The following RAB10 variants were observed in gnomAD, a reference collection of about 807,000 sequenced individuals.
RAB10 encodes the protein ras-related protein Rab-10.
Under a neutral mutation model 25.7 loss-of-function variants are expected in RAB10, and 5 were observed. The ratio of observed to expected loss-of-function variants is 0.19; its 90% confidence interval spans 0.10 to 0.41. The LOEUF (loss-of-function observed/expected upper bound fraction) is 0.41, where lower values mean the gene tolerates loss of function less well. RAB10 is among the 10% of genes least tolerant of loss of function. The pLI is 1.00. For missense variants in RAB10, 103 were observed against 245.8 expected (o/e 0.42, Z 3.89); for synonymous variants, 89 against 86.4 (o/e 1.03, Z -0.16).
rs528899066 is a variant in RAB10, at chr2:26,050,906, C to T, written c.127+16171C>T. Among the ~76,000 whole-genome samples, 3 of 151,856 alleles carry T rather than the reference C, an allele frequency of 2.0e-5. No individual in the cohort carries two copies. In the South Asian group the frequency reaches 6.3e-4, roughly 32 times the overall value. On this transcript the variant is annotated intron_variant, in intron 1 of 5. Coordinates refer to ENST00000264710, the MANE Select transcript of RAB10 (RefSeq NM_016131.5). Reference sequence around the variant, plus strand: ...ACAGGTGTGAGTCCTTGTGCCTGTCCTTAAATTTTTTTGTTTGACTTTTCT... The same window carrying T: ...ACAGGTGTGAGTCCTTGTGCCTGTCTTTAAATTTTTTTGTTTGACTTTTCT...
intron 1 of RAB10, among the ~76,000 whole-genome samples, chr2:26,079,890 G>A (rs538824095): frequency 2.6e-5 from 4 of 152,240 alleles, no homozygotes; most frequent in African/African-American, 7.2e-5. Context: ...GAACTCCTGG[G>A]CTCAAGCCAT....
intron 1 of RAB10, among the ~76,000 whole-genome samples, chr2:26,068,648 A>G (rs541112532): frequency 3.0e-4 from 45 of 152,256 alleles, no homozygotes; most frequent in African/African-American, 9.4e-4. Flanking sequence ...TGTGAGCTTG[A>G]GCAAGTCATT....
In RAB10 at chr2:26,127,149, C is replaced by T; in HGVS notation, c.333C>T (p.Ala111=). 2 of 1,593,738 alleles carry T rather than the reference C, an allele frequency of 1.3e-6. No individual in the cohort carries two copies. Among genetic ancestry groups the T allele is most frequent in the Non-Finnish European group, 1.7e-6 (2 of 1,173,108 alleles). The change falls in exon 4 of 6, where the codon GCC becomes GCT. Residue 111 remains alanine, a synonymous_variant. Transcript: ENST00000264710. The part of the protein sequence containing the change: ...SKWLRNIDEH[A]NEDVERMLLG... ...AAAATTTTATTTCATTTTAGCATGC[C>T]AATGAAGATGTGGAAAGAATGTTAC...
intron 1 of RAB10, among the ~76,000 whole-genome samples, chr2:26,060,417 C>T (rs1037223061): frequency 3.3e-5 from 5 of 152,076 alleles, no homozygotes; most frequent in African/African-American, 7.2e-5. Flanking sequence ...CTCAGCCTCC[C>T]GAGTAGCTGG....
chr2:26,034,359 G>T lies in RAB10; in HGVS notation c.-250G>T, dbSNP rs902349905. On this transcript the variant is annotated 5_prime_UTR_variant, in exon 1 of 6. Transcript: ENST00000264710. The stretch of plus-strand genomic sequence containing the variant: ...GAGGGGAGGCCATTTTGTCCCGACC[G>T]ACTCCCCGGAACCGGGCGGACGGGC... 1.7e-6 allele frequency: 1 copy of T among 583,068 alleles called. No individual in the cohort carries two copies. The highest frequency in any genetic ancestry group is 3.1e-6 in the Non-Finnish European group (1 of 327,838). 36.1% of individuals were successfully genotyped at this position (583,068 alleles called of 1,614,324 possible). A position where few individuals can be genotyped will look rare whatever the true frequency, so the allele number is the denominator to read the frequency against.
chr2:26,038,965 T>A (rs1665826815), intron 1 of RAB10, among the ~76,000 whole-genome samples: 1 of 148,844 alleles, frequency 6.7e-6, no homozygotes, highest in Non-Finnish European at 1.5e-5. Flanking sequence ...GTTTAACCAG[T>A]GCCGTTCAAA....
At chr2:26,126,667 C>T (rs548699152) in intron 3 of RAB10, among the ~76,000 whole-genome samples, 2 of 152,248 alleles carry the variant, frequency 1.3e-5, no homozygotes, top group South Asian at 2.1e-4. Context: ...CAAAAATTGT[C>T]ATTGGGATCT....
At chr2:26,098,575 A>G (rs1425410337) in intron 1 of RAB10, 87 bp from the exon 2 acceptor site, 1 of 938,874 alleles carries the variant, frequency 1.1e-6, no homozygotes, top group Non-Finnish European at 1.6e-6. Context: ...ACAAGTTTAA[A>G]AGGTGTGAGC....
At chr2:26,112,358 A>G (rs1309040441) in intron 3 of RAB10, among the ~76,000 whole-genome samples, 1 of 152,116 alleles carries the variant, frequency 6.6e-6, no homozygotes. Context: ...ACCAGCCCCC[A>G]TTCTGAAGCT....
upstream of RAB10, among the ~76,000 whole-genome samples, chr2:26,033,804 A>AGG (rs572277931): frequency 1.8e-4 from 20 of 111,378 alleles, no homozygotes; most frequent in African/African-American, 2.9e-4. Flanking sequence ...CGGGGGTCGG[A>AGG]GGGGGGGCGC....
chr2:26,068,534 G>A (rs999989006), intron 1 of RAB10, among the ~76,000 whole-genome samples: 3 of 152,242 alleles, frequency 2.0e-5, no homozygotes, highest in Admixed American at 6.5e-5. Flanking sequence ...CAGTGACTGT[G>A]ACAGTGAGCC....
intron 1 of RAB10, among the ~76,000 whole-genome samples, chr2:26,069,008 T>G (rs563149674): frequency 5.3e-5 from 8 of 152,222 alleles, no homozygotes; most frequent in Non-Finnish European, 1.0e-4. Flanking sequence ...AATTTCTAGT[T>G]TGTCTTAAGC....
At chr2:26,086,298 G>C (rs779377099) in intron 1 of RAB10, among the ~76,000 whole-genome samples, 2 of 152,174 alleles carry the variant, frequency 1.3e-5, no homozygotes, top group East Asian at 3.8e-4. Flanking sequence ...TAAAAAATGG[G>C]CAAAGGACTT....
At chr2:26,080,539 A>T (rs556060340) in intron 1 of RAB10, among the ~76,000 whole-genome samples, 1 of 152,252 alleles carries the variant, frequency 6.6e-6, no homozygotes, top group African/African-American at 2.4e-5. Context: ...CCTAACCATT[A>T]TTCATCAAAT....
At chr2:26,118,806 T>C (rs1409108180) in intron 3 of RAB10, among the ~76,000 whole-genome samples, 2 of 152,202 alleles carry the variant, frequency 1.3e-5, no homozygotes, top group African/African-American at 2.4e-5. Flanking sequence ...AAATTAACCA[T>C]ATTTTAAGCT....
chr2:26,131,347 T>G (rs559687109), intron 5 of RAB10, among the ~76,000 whole-genome samples: 3 of 152,194 alleles, frequency 2.0e-5, no homozygotes, highest in African/African-American at 7.2e-5. Flanking sequence ...TATTGGGCTG[T>G]GTGCAGGCTG....
At position 26,034,552 on chromosome 2, in the gene RAB10, TGAGAGGGACCG is replaced by T. The variant is rs1665720880; in HGVS notation, c.-56_-46del. On this transcript the variant is annotated 5_prime_UTR_variant, in exon 1 of 6. Transcript: ENST00000264710. ...CGCCCGAGTGAGGAGTTGGCCGTAG[TGAGAGGGACCG>T]ATCCCTTGGGGCCGCCGGCGGCGAG... The T allele has an allele frequency of 6.2e-7, 1 of 1,608,114 alleles. No homozygotes were observed. Among genetic ancestry groups the T allele is most frequent in the Non-Finnish European group, 8.5e-7 (1 of 1,177,814 alleles).
intron 1 of RAB10, among the ~76,000 whole-genome samples, chr2:26,059,824 G>C (rs927862376): frequency 6.6e-6 from 1 of 152,152 alleles, no homozygotes; most frequent in African/African-American, 2.4e-5. Flanking sequence ...AAAAAGTTCT[G>C]GAGATACGTT....
chr2:26,050,148 C>G (rs1666101707), intron 1 of RAB10, among the ~76,000 whole-genome samples: 1 of 152,174 alleles, frequency 6.6e-6, no homozygotes, highest in Non-Finnish European at 1.5e-5. Flanking sequence ...CCTATCGTAG[C>G]TTTTTGCTAA....
Sources: gnomAD v4.1 joint callset for allele counts (sites outside exome capture counted in the v4.1 genomes callset) on GRCh38, gnomAD v4.1.1 for gene constraint, MANE v1.5 for transcripts, NCBI Gene and HGNC (gene_info 2026-07-23, HGNC 2026-07-21) for gene names.